The following GYS1 variants were observed in gnomAD, a reference collection of about 807,000 sequenced individuals.
The protein encoded by GYS1 is glycogen [starch] synthase, muscle.
In GYS1, 60 loss-of-function variants were observed where a neutral mutation model predicts 89.1. That is an observed-to-expected ratio of 0.67 (90% CI 0.55 to 0.84). The LOEUF (loss-of-function observed/expected upper bound fraction) is 0.84, where lower values mean the gene tolerates loss of function less well. GYS1 is among the 40% of genes least tolerant of loss of function. The pLI is 0.00. For synonymous variants in GYS1, 366 were observed against 401.7 expected, an observed-to-expected ratio of 0.91 and a Z score of 1.06; for missense variants, 888 against 1,003.1, an observed-to-expected ratio of 0.89 and a Z score of 1.55.
At chr19:48,978,752 G>A (rs995684283) in intron 8 of GYS1, among the ~76,000 whole-genome samples, 24 of 151,148 alleles carry the variant, frequency 1.6e-4, no homozygotes, top group African/African-American at 5.6e-4. Flanking sequence ...GGCTGGTCTC[G>A]AACTCCTGAC....
Position 48,987,194 on chromosome 19 carries a change from C to T in GYS1, c.492G>A (p.Glu164=). 1 of 1,607,956 alleles carries T rather than the reference C, an allele frequency of 6.2e-7. No homozygotes were observed. The highest frequency in any genetic ancestry group is 8.5e-7 in the Non-Finnish European group (1 of 1,174,700). The change falls in exon 3 of 16, where the codon GAG becomes GAA. Residue 164 remains glutamate (E), a splice_region_variant and synonymous_variant. Transcript: ENST00000323798. ...FGFLTTWFLG[E]FLAQSEEKPH... ...GTGGAATGTGTCAGACGGGGCCTAC[C>T]TCACCCAGGAACCAGGTGGTCAGAA...
chr19:48,981,620 T>A lies in GYS1; in HGVS notation c.1079A>T (p.Gln360Leu), dbSNP rs759812102. 62 of 1,611,440 alleles carry A rather than the reference T, an allele frequency of 3.8e-5. No homozygotes were observed. The highest frequency in any genetic ancestry group is 5.1e-5 in the Non-Finnish European group (60 of 1,177,642). Residue 360 changes from glutamine to leucine, a missense_variant, in exon 8 of 16, where the codon CAG becomes CTG. Physicochemically the swap from Gln to Leu is moderately radical, Grantham distance 113. Transcript: ENST00000323798. ...CATGATGAAGAAGGCAACCACTGTC[T>A]GCTCGCTGCCGTTCACCTGCGCAGA... ...NYLLRVNGSE[Q>L]TVVAFFIMPA... is the part of the protein sequence containing the mutation.
intron 15 of GYS1, 26 bp downstream of exon 15, chr19:48,969,749 T>C (rs752022034): frequency 1.2e-6 from 2 of 1,609,798 alleles, no homozygotes; most frequent in East Asian, 2.2e-5. Context: ...AGCTCCTGGC[T>C]AAGCAGAAAT....
intron 10 of GYS1, among the ~76,000 whole-genome samples, chr19:48,977,597 T>C (rs2038677053): frequency 6.6e-6 from 1 of 151,856 alleles, no homozygotes; most frequent in Admixed American, 6.6e-5. Context: ...CATCTCAAAA[T>C]AAATAAATAA....
At chr19:48,986,351 G>A (rs2038843455) in intron 3 of GYS1, among the ~76,000 whole-genome samples, 1 of 151,988 alleles carries the variant, frequency 6.6e-6, no homozygotes, top group Non-Finnish European at 1.5e-5. Flanking sequence ...CCAGGTCCTG[G>A]ACATAGTTTC....
intron 8 of GYS1, among the ~76,000 whole-genome samples, chr19:48,978,947 G>A (rs57693449): frequency 0.37 from 56,104 of 151,714 alleles, 10,425 homozygotes; most frequent in Middle Eastern, 0.52. Flanking sequence ...GAAGGCTTAG[G>A]ACCCACGTGC....
chr19:48,977,894 T>C (rs2038683773), intron 10 of GYS1, 30 bp downstream of exon 10: 2 of 1,567,380 alleles, frequency 1.3e-6, no homozygotes, highest in South Asian at 1.1e-5. Flanking sequence ...CAGGAACTGC[T>C]ATCTCTCTGC....
At position 48,968,629 on chromosome 19, in the gene GYS1, G is replaced by A. The variant is rs367578611; in HGVS notation, c.*659C>T. The A allele has an allele frequency of 5.5e-5, 25 of 454,242 alleles. No homozygotes were observed. The highest frequency in any genetic ancestry group is 4.2e-4 in the East Asian group (6 of 14,388). 28.1% of individuals were successfully genotyped at this position (454,242 alleles called of 1,614,324 possible). A position where few individuals can be genotyped will look rare whatever the true frequency, so the allele number is the denominator to read the frequency against. ...CTCCAGAAGGAATGAGCAGCCAAGTGGTTCTACCACCTCTTGCTTGGCCAA... is the reference window on the plus strand; with the variant it reads ...CTCCAGAAGGAATGAGCAGCCAAGTAGTTCTACCACCTCTTGCTTGGCCAA... On this transcript the variant is annotated 3_prime_UTR_variant, in exon 16 of 16. Coordinates refer to ENST00000323798, the MANE Select transcript of GYS1 (RefSeq NM_002103.5).
intron 15 of GYS1, 68 bp downstream of exon 15, chr19:48,969,707 G>A (rs2038524406): frequency 6.3e-6 from 10 of 1,580,864 alleles, no homozygotes; most frequent in Middle Eastern, 1.8e-4. Flanking sequence ...CACTCCAGGA[G>A]GGACCCCCAC....
At chr19:48,970,273 C>A (rs565380961) in intron 14 of GYS1, 1 of 482,904 alleles carries the variant, frequency 2.1e-6, no homozygotes, top group Non-Finnish European at 3.8e-6. Context: ...TACAGGCACG[C>A]ACCATCACGC....
chr19:48,970,011 A>G (rs1600128968), intron 14 of GYS1, among the ~76,000 whole-genome samples, 156 bp from the exon 15 acceptor site: 2 of 152,342 alleles, frequency 1.3e-5, no homozygotes, highest in East Asian at 3.9e-4. Flanking sequence ...TTATGTAGAT[A>G]AGCAGACCTG....
Position 48,969,227 on chromosome 19 carries a change from C to T in GYS1, c.*61G>A, listed in dbSNP as rs967394507. The T allele has an allele frequency of 1.4e-6, 2 of 1,424,936 alleles. No individual in the cohort carries two copies. Among genetic ancestry groups the T allele is most frequent in the African/African-American group, 1.4e-5 (1 of 71,050 alleles). 88.3% of individuals were successfully genotyped at this position (1,424,936 alleles called of 1,614,324 possible). A position where few individuals can be genotyped will look rare whatever the true frequency, so the allele number is the denominator to read the frequency against. On this transcript the variant is annotated 3_prime_UTR_variant, in exon 16 of 16. Transcript: ENST00000323798. ...GGAGCGGGGGTTTAGGAGCAGCACCCCTCTGCATCCTCTCTCTGGAGCAGA... is the reference window on the plus strand; with the variant it reads ...GGAGCGGGGGTTTAGGAGCAGCACCTCTCTGCATCCTCTCTCTGGAGCAGA...
chr19:48,979,749 C>T (rs1332473066), intron 8 of GYS1, among the ~76,000 whole-genome samples: 2 of 148,944 alleles, frequency 1.3e-5, no homozygotes, highest in African/African-American at 2.5e-5. Context: ...CGGGTTCGAG[C>T]GATTCTCCTG....
Position 48,969,349 on chromosome 19 carries a change from G to C in GYS1, c.2153C>G (p.Ser718Ter). The C allele has an allele frequency of 6.3e-7, 1 of 1,586,064 alleles. No homozygotes were observed. Among genetic ancestry groups the C allele is most frequent in the African/African-American group, 1.3e-5 (1 of 74,494 alleles). The change falls in exon 16 of 16, where the codon TCA (serine) becomes TGA (stop). Residue 718 changes from serine (S) to a stop codon, truncating the protein, a stop_gained. Transcript: ENST00000323798. LOFTEE classifies it high-confidence loss of function. The stretch of plus-strand genomic sequence containing the variant: ...GAGGGGCTCGCTCGGGGTGCTGAGT[G>C]AGCTGGAGGTGGCCGTGTCCACAGA... ...RNSVDTATSS[S>*]LSTPSEPLSP...
chr19:48,968,689 C>G lies in GYS1; in HGVS notation c.*599G>C, dbSNP rs945520375. 2.2e-6 allele frequency: 1 copy of G among 454,008 alleles called. No homozygotes were observed. The highest frequency in any genetic ancestry group is 4.4e-6 in the Non-Finnish European group (1 of 226,802). 28.1% of individuals were successfully genotyped at this position (454,008 alleles called of 1,614,324 possible). A position where few individuals can be genotyped will look rare whatever the true frequency, so the allele number is the denominator to read the frequency against. ...GATGACAGGAGCCGGATGGAGGGAT[C>G]CTCCAGGCAGAGCCTGGCTCTGACA... On this transcript the variant is annotated 3_prime_UTR_variant, in exon 16 of 16. Transcript: ENST00000323798.
In GYS1 at chr19:48,970,909, C is replaced by T; in HGVS notation, c.1645+19G>A. The T allele has an allele frequency of 6.3e-7, 1 of 1,591,540 alleles. No individual in the cohort carries two copies. Among genetic ancestry groups the T allele is most frequent in the Non-Finnish European group, 8.6e-7 (1 of 1,159,398 alleles). On this transcript the variant is annotated intron_variant, in intron 13 of 15. Transcript: ENST00000323798. The stretch of plus-strand genomic sequence containing the variant: ...TTCTCAAGCCCCCTTCCAGAATCCT[C>T]AGGGGCCTGGGCGCTGACCGTAAGC...
At chr19:48,972,052 C>T (rs1300531421) in intron 12 of GYS1, among the ~76,000 whole-genome samples, 4 of 150,254 alleles carry the variant, frequency 2.7e-5, no homozygotes, top group African/African-American at 4.9e-5. Context: ...AAAAAAAGGC[C>T]GGGCACGGTG....
chr19:48,988,082 G>A (rs555761182), intron 2 of GYS1, among the ~76,000 whole-genome samples: 47 of 152,300 alleles, frequency 3.1e-4, no homozygotes, highest in African/African-American at 6.7e-4. Context: ...GATTACAGGC[G>A]TGAGCCACCG....
At position 48,985,945 on chromosome 19, in the gene GYS1, G is replaced by T. The variant is rs756802243; in HGVS notation, c.583C>A (p.Arg195=). The T allele has an allele frequency of 2.5e-6, 4 of 1,614,136 alleles. No individual in the cohort carries two copies. The highest frequency in any genetic ancestry group is 3.4e-6 in the Non-Finnish European group (4 of 1,180,004). ...GTGAAGATGGTTGCTACAGGCAGTCGCCGGGCACGACACAGGCAGAGTCCA... is the reference window on the plus strand; with the variant it reads ...GTGAAGATGGTTGCTACAGGCAGTCTCCGGGCACGACACAGGCAGAGTCCA... ...GVGLCLCRAR[R]LPVATIFTTH... Residue 195 remains arginine (R), a synonymous_variant, in exon 4 of 16, where the codon CGA becomes AGA. Coordinates refer to ENST00000323798, the MANE Select transcript of GYS1 (RefSeq NM_002103.5).
Sources: allele counts gnomAD v4.1 joint callset (sites outside exome capture counted in the v4.1 genomes callset), GRCh38; gene constraint gnomAD v4.1.1; transcripts MANE v1.5; gene names NCBI Gene and HGNC (gene_info 2026-07-23, HGNC 2026-07-21).